The following ADAMTSL1 variants were observed in gnomAD, a reference collection of about 807,000 sequenced individuals.
The protein encoded by ADAMTSL1 is ADAMTS like 1.
Under a neutral mutation model 201.8 loss-of-function variants are expected in ADAMTSL1, and 126 were observed. The ratio of observed to expected loss-of-function variants is 0.62; its 90% CI spans 0.54 to 0.72. The LOEUF (loss-of-function observed/expected upper bound fraction) is 0.72. Ranked by LOEUF, ADAMTSL1 falls within the 30% of genes least tolerant of loss-of-function variation. The pLI, the probability that ADAMTSL1 is intolerant of heterozygous loss-of-function variation, is 0.00. For synonymous variants in ADAMTSL1, 1,121 were observed against 903.4 expected (o/e 1.24, Z -4.32); for missense variants, 2,679 against 2,277.8 (o/e 1.18, Z -3.59).
At chr9:18,054,909 T>A (rs1017145372) in intron 1 of ADAMTSL1, among the ~76,000 whole-genome samples, 2 of 152,228 alleles carry the variant, frequency 1.3e-5, no homozygotes, top group African/African-American at 4.8e-5. Flanking sequence ...GAAGTAGTAC[T>A]GAACTGGTCC....
At position 18,777,094 on chromosome 9, in the gene ADAMTSL1, C is replaced by A. The variant is rs375384004; in HGVS notation, c.2865C>A (p.His955Gln). 4 of 1,613,252 alleles carry A rather than the reference C, an allele frequency of 2.5e-6. No homozygotes were observed. The highest frequency in any genetic ancestry group is 3.4e-6 in the Non-Finnish European group (4 of 1,179,824). ...GCTCAGCGGGCCCGGCCCGGGAGCACTTTGTGATTAAGCTCATCGGAGGCA... is the reference window on the plus strand; with the variant it reads ...GCTCAGCGGGCCCGGCCCGGGAGCAATTTGTGATTAAGCTCATCGGAGGCA... ...YTCSAGPARE[H>Q]FVIKLIGGNR... The change falls in exon 19 of 29, where the codon CAC (histidine) becomes CAA (glutamine). Residue 955 changes from histidine (H) to glutamine (Q), a missense_variant. Transcript: ENST00000380548.
At chr9:18,821,626 C>T (rs576706197) in intron 21 of ADAMTSL1, among the ~76,000 whole-genome samples, 115 of 152,254 alleles carry the variant, frequency 7.6e-4, no homozygotes, top group South Asian at 1.2e-3. Context: ...TATGGAGAAA[C>T]GTGGAAGGCT....
chr9:17,913,634 A>G (rs1825974806), intron 1 of ADAMTSL1, among the ~76,000 whole-genome samples: 1 of 152,186 alleles, frequency 6.6e-6, no homozygotes, highest in South Asian at 2.1e-4. Flanking sequence ...GAGCAAACAT[A>G]TTCAAAAGCT....
At chr9:18,724,592 C>G (rs1025055061) in intron 15 of ADAMTSL1, among the ~76,000 whole-genome samples, 1 of 152,188 alleles carries the variant, frequency 6.6e-6, no homozygotes, top group African/African-American at 2.4e-5. Flanking sequence ...TAGAAGAGTA[C>G]TAGATTTTAG....
At chr9:18,329,729 C>G (rs772198990) in intron 2 of ADAMTSL1, among the ~76,000 whole-genome samples, 1 of 152,216 alleles carries the variant, frequency 6.6e-6, no homozygotes, top group Non-Finnish European at 1.5e-5. Context: ...TGTCTTTCCT[C>G]TGAATATATG....
At chr9:17,980,181 C>T (rs1818630025) in intron 1 of ADAMTSL1, among the ~76,000 whole-genome samples, 1 of 152,076 alleles carries the variant, frequency 6.6e-6, no homozygotes, top group Non-Finnish European at 1.5e-5. Context: ...CTGTGCTCCA[C>T]CCAGATGCTA....
chr9:17,935,898 C>T (rs570559874), intron 1 of ADAMTSL1, among the ~76,000 whole-genome samples: 13 of 152,274 alleles, frequency 8.5e-5, no homozygotes, highest in Admixed American at 2.6e-4. Context: ...CTGCTTAACG[C>T]CCTCCAGTGC....
intron 9 of ADAMTSL1, among the ~76,000 whole-genome samples, chr9:18,662,601 A>G (rs1829171926): frequency 6.6e-6 from 1 of 152,222 alleles, no homozygotes; most frequent in African/African-American, 2.4e-5. Context: ...TTTGCTAAAG[A>G]GAAAGAACTT....
chr9:18,671,589 T>C (rs191195535), intron 9 of ADAMTSL1, among the ~76,000 whole-genome samples: 15 of 151,888 alleles, frequency 9.9e-5, no homozygotes, highest in Admixed American at 9.8e-4. Context: ...AAATAATGAA[T>C]TGTCTGGGAT....
intron 1 of ADAMTSL1, among the ~76,000 whole-genome samples, chr9:18,105,647 C>A (rs1824724775): frequency 6.6e-6 from 1 of 152,160 alleles, no homozygotes; most frequent in African/African-American, 2.4e-5. Context: ...GAGTGCTTTG[C>A]AGACCTTACC....
At chr9:18,627,475 G>A (rs891194739) in intron 5 of ADAMTSL1, among the ~76,000 whole-genome samples, 12 of 152,310 alleles carry the variant, frequency 7.9e-5, no homozygotes, top group Admixed American at 2.6e-4. Context: ...TTCTGGGGGC[G>A]TCAGAAAACT....
At chr9:18,224,131 A>G (rs1404264471) in intron 2 of ADAMTSL1, among the ~76,000 whole-genome samples, 1 of 152,080 alleles carries the variant, frequency 6.6e-6, no homozygotes, top group African/African-American at 2.4e-5. Flanking sequence ...AAAAGTTGCC[A>G]TTTGGGCATG....
intron 2 of ADAMTSL1, among the ~76,000 whole-genome samples, chr9:18,266,323 C>T (rs1832115909): frequency 6.6e-6 from 1 of 152,202 alleles, no homozygotes; most frequent in African/African-American, 2.4e-5. Context: ...CTCCTGAAGT[C>T]ACAGCAGACC....
At chr9:18,626,071 C>T (rs2065467) in intron 5 of ADAMTSL1, among the ~76,000 whole-genome samples, 63,387 of 152,014 alleles carry the variant, frequency 0.42, 14,118 homozygotes, top group African/African-American at 0.57. Flanking sequence ...GCACAAAACA[C>T]TAAAGAAATT....
chr9:18,191,625 C>T (rs915513531), intron 2 of ADAMTSL1, among the ~76,000 whole-genome samples: 5 of 152,160 alleles, frequency 3.3e-5, no homozygotes, highest in Admixed American at 6.5e-5. Context: ...GACTTCTTCC[C>T]TGAATCTAAT....
chr9:18,093,621 G>T (rs1450617855), intron 1 of ADAMTSL1, among the ~76,000 whole-genome samples: 1 of 152,112 alleles, frequency 6.6e-6, no homozygotes, highest in Non-Finnish European at 1.5e-5. Flanking sequence ...ATTACTTAGA[G>T]TTACAGACTA....
chr9:18,817,176 T>C lies in ADAMTSL1; in HGVS notation c.3873T>C (p.Asp1291=), dbSNP rs758836238. 16 of 1,585,030 alleles carry C rather than the reference T, an allele frequency of 1.0e-5. No homozygotes were observed. The highest frequency in any genetic ancestry group is 1.7e-4 in the Middle Eastern group (1 of 6,052). ...CGGAGAAGCCTGCAGTCACAGTCGA[T>C]ATAGGAAGCACCATCAAAACAGTGC... ...INTEKPAVTV[D]IGSTIKTVQG... The change falls in exon 21 of 29, where the codon GAT becomes GAC. Residue 1291 remains aspartate (D), a synonymous_variant. Transcript: ENST00000380548.
At chr9:18,771,932 GTTAAC>G (rs1359577111) in intron 17 of ADAMTSL1, among the ~76,000 whole-genome samples, 1 of 152,126 alleles carries the variant, frequency 6.6e-6, no homozygotes, top group African/African-American at 2.4e-5. Flanking sequence ...GCAATTAAGA[GTTAAC>G]TTACATTACG....
At chr9:18,587,266 C>A (rs975947180) in intron 4 of ADAMTSL1, among the ~76,000 whole-genome samples, 20 of 151,928 alleles carry the variant, frequency 1.3e-4, no homozygotes, top group African/African-American at 4.6e-4. Context: ...CAAACCACCC[C>A]AAGAAACCCC....
Sources: gnomAD v4.1 joint callset for allele counts (sites outside exome capture counted in the v4.1 genomes callset) on GRCh38, gnomAD v4.1.1 for gene constraint, MANE v1.5 for transcripts, NCBI Gene and HGNC (gene_info 2026-07-23, HGNC 2026-07-21) for gene names.